The following KLRD1 variants were observed in gnomAD, a reference collection of about 807,000 sequenced individuals.
KLRD1 encodes natural killer cells antigen CD94.
A neutral mutation model predicts 22.6 loss-of-function variants in KLRD1; 21 were observed. That is an observed-to-expected ratio of 0.93 (90% CI 0.66 to 1.34). KLRD1 has a LOEUF of 1.34. Ranked by LOEUF, KLRD1 falls within the 40% of genes most tolerant of loss-of-function variation. The pLI is 0.00. For synonymous variants in KLRD1, 59 were observed against 71.1 expected, an observed-to-expected ratio of 0.83 and a Z score of 0.85; for missense variants, 183 against 208.6, an observed-to-expected ratio of 0.88 and a Z score of 0.76.
chr12:10,299,727 G>A (rs1445894567), upstream of KLRD1, among the ~76,000 whole-genome samples: 1 of 152,096 alleles, frequency 6.6e-6, no homozygotes, highest in African/African-American at 2.4e-5. Flanking sequence ...AATGAATTTT[G>A]TGCACTGGTT....
At chr12:10,304,703 C>T (rs1949897930), upstream of KLRD1, among the ~76,000 whole-genome samples, 1 of 152,164 alleles carries the variant, frequency 6.6e-6, no homozygotes, top group Admixed American at 6.5e-5. Context: ...TATGCCCAGC[C>T]TTAGTTTTAT....
chr12:10,282,727 T>C (rs922479415), intron 1 of KLRD1, among the ~76,000 whole-genome samples: 4 of 152,142 alleles, frequency 2.6e-5, no homozygotes, highest in South Asian at 2.1e-4. Context: ...AGTTAGAAGA[T>C]GTGTTCAAGG....
upstream of KLRD1, chr12:10,304,374 T>C (rs564790183): frequency 6.6e-6 from 1 of 152,338 alleles, no homozygotes; most frequent in Admixed American, 6.5e-5. Context: ...ATAGCTTATG[T>C]GACATTTTTC....
chr12:10,255,344 A>G (rs1338420981), intron 1 of KLRD1, among the ~76,000 whole-genome samples: 1 of 152,110 alleles, frequency 6.6e-6, no homozygotes, highest in African/African-American at 2.4e-5. Context: ...ACTCTATTTT[A>G]TGTACATACC....
chr12:10,262,215 C>T (rs1449817188), intron 1 of KLRD1, among the ~76,000 whole-genome samples: 3 of 151,914 alleles, frequency 2.0e-5, no homozygotes, highest in Non-Finnish European at 4.4e-5. Context: ...TATACACTTC[C>T]AATTCTTCAT....
At position 10,313,629 on chromosome 12, in the gene KLRD1, G is replaced by A. The variant is rs1050059844; in HGVS notation, c.419+116G>A. 20 of 513,078 alleles carry A rather than the reference G, an allele frequency of 3.9e-5. No homozygotes were observed. The South Asian group carries it at 6.4e-4, about 16-fold the overall frequency. The allele number at this position is 513,078 out of a possible 1,614,324, so 31.8% of individuals were successfully genotyped here. A position where few individuals can be genotyped will look rare whatever the true frequency, so the allele number is the denominator to read the frequency against. ...TGAAATAACCTTGTCTAGGGCATGAGAATACAGTAAAAGGAAAAAGTACAA... is the reference window on the plus strand; with the variant it reads ...TGAAATAACCTTGTCTAGGGCATGAAAATACAGTAAAAGGAAAAAGTACAA... On this transcript the variant is annotated intron_variant, in intron 5 of 5. Transcript: ENST00000336164.
At chr12:10,306,264 A>ATGTGTG (rs201769542), upstream of KLRD1, among the ~76,000 whole-genome samples, 1 of 149,396 alleles carries the variant, frequency 6.7e-6, no homozygotes, top group Non-Finnish European at 1.5e-5. Flanking sequence ...GTGTGTGTGT[A>ATGTGTG]TGTGTGTGTG....
At chr12:10,273,088 C>G (rs1187792199) in intron 1 of KLRD1, among the ~76,000 whole-genome samples, 2 of 152,032 alleles carry the variant, frequency 1.3e-5, no homozygotes, top group African/African-American at 4.8e-5. Flanking sequence ...TTATTCACAG[C>G]TTTATCTAAT....
chr12:10,263,032 G>A (rs1949468021), intron 1 of KLRD1, among the ~76,000 whole-genome samples: 1 of 151,990 alleles, frequency 6.6e-6, no homozygotes. Flanking sequence ...CGTAGTGTAC[G>A]TCTAATCAGT....
chr12:10,263,638 A>G (rs372964833), intron 1 of KLRD1, among the ~76,000 whole-genome samples: 5 of 152,192 alleles, frequency 3.3e-5, no homozygotes, highest in South Asian at 2.1e-4. Context: ...AAAATCTTAT[A>G]ATATTTTACC....
intron 1 of KLRD1, among the ~76,000 whole-genome samples, chr12:10,241,380 AAAT>A (rs1216916626): frequency 2.6e-5 from 4 of 152,210 alleles, no homozygotes; most frequent in African/African-American, 9.7e-5. Context: ...CATAAAATAA[AAAT>A]AATTTCAGAC....
At chr12:10,289,924 A>G (rs1324651909) in intron 1 of KLRD1, among the ~76,000 whole-genome samples, 1 of 151,972 alleles carries the variant, frequency 6.6e-6, no homozygotes, top group African/African-American at 2.4e-5. Context: ...GATTACAGGC[A>G]TGCACCACCA....
chr12:10,252,939 G>C (rs1949358117), intron 1 of KLRD1, among the ~76,000 whole-genome samples: 2 of 133,208 alleles, frequency 1.5e-5, no homozygotes, highest in African/African-American at 2.7e-5. Flanking sequence ...TCCTGAGTGA[G>C]TCAGTGGGCA....
At chr12:10,266,601 T>C (rs984763765) in intron 1 of KLRD1, among the ~76,000 whole-genome samples, 5 of 151,846 alleles carry the variant, frequency 3.3e-5, no homozygotes, top group South Asian at 2.1e-4. Flanking sequence ...TTAGTTTTTA[T>C]ATTCTTAAAA....
At chr12:10,260,587 G>A (rs1451161421) in intron 1 of KLRD1, among the ~76,000 whole-genome samples, 1 of 152,014 alleles carries the variant, frequency 6.6e-6, no homozygotes, top group Non-Finnish European at 1.5e-5. Context: ...TGGGTCACGA[G>A]GTCAGGAATT....
At chr12:10,299,199 ATGTTTTGTTT>A (rs768560203) in intron 1 of KLRD1, among the ~76,000 whole-genome samples, 4 of 149,344 alleles carry the variant, frequency 2.7e-5, no homozygotes, top group Non-Finnish European at 5.9e-5. Flanking sequence ...TTTTTTAATT[ATGTTTTGTTT>A]TGTTTTGTTT....
At chr12:10,265,308 T>C (rs1218713014) in intron 1 of KLRD1, among the ~76,000 whole-genome samples, 1 of 152,214 alleles carries the variant, frequency 6.6e-6, no homozygotes, top group East Asian at 1.9e-4. Context: ...CTTCCTTTTG[T>C]TTTGATATAT....
intron 5 of KLRD1, among the ~76,000 whole-genome samples, chr12:10,313,776 T>C (rs1328336441): frequency 6.6e-6 from 1 of 152,198 alleles, no homozygotes; most frequent in African/African-American, 2.4e-5. Flanking sequence ...AAAATACTGA[T>C]AACCATTACA....
chr12:10,242,784 C>G (rs1009282810), intron 1 of KLRD1, among the ~76,000 whole-genome samples: 182 of 152,216 alleles, frequency 1.2e-3, no homozygotes, highest in African/African-American at 4.0e-3. Context: ...TTGCATCTCC[C>G]TGATGATTAG....
Sources: gnomAD v4.1 joint callset for allele counts (sites outside exome capture counted in the v4.1 genomes callset) on GRCh38, gnomAD v4.1.1 for gene constraint, MANE v1.5 for transcripts, NCBI Gene and HGNC (gene_info 2026-07-23, HGNC 2026-07-21) for gene names.